Variants in PTAR1 observed in about 807,000 individuals in gnomAD.
PTAR1 encodes the protein protein prenyltransferase alpha subunit repeat-containing protein 1.
In PTAR1, 17 loss-of-function variants were observed where a neutral mutation model predicts 45.5. The ratio of observed to expected loss-of-function variants is 0.37; its 90% CI spans 0.26 to 0.56. The LOEUF (loss-of-function observed/expected upper bound fraction) is 0.56, where lower values mean the gene tolerates loss of function less well. Among genes scored for constraint, PTAR1 ranks in the 20% least tolerant of loss-of-function variants. PTAR1 has a pLI of 0.77. For synonymous variants in PTAR1, 169 were observed against 171.3 expected, an observed-to-expected ratio of 0.99 and a Z score of 0.11; for missense variants, 391 against 476.3, an observed-to-expected ratio of 0.82 and a Z score of 1.67.
intron 4 of PTAR1, 96 bp downstream of exon 4, chr9:69,734,054 G>A: frequency 1.4e-6 from 1 of 732,392 alleles, no homozygotes; most frequent in Non-Finnish European, 2.3e-6. Context: ...TTCATGCTCT[G>A]GAACCAATAA....
At position 69,740,656 on chromosome 9, in the gene PTAR1, A is replaced by AGGG. The variant is rs1564140430; in HGVS notation, c.323+1135_323+1136insCCC. 4.5e-3 allele frequency among the ~76,000 whole-genome samples: 403 copies of AGGG among 89,020 alleles called. 6 individuals are homozygous for AGGG. Among genetic ancestry groups the AGGG allele is most frequent in the Admixed American group, 0.016 (159 of 9,934 alleles). The allele number at this position is 89,020 out of a possible 152,430, so 58.4% of individuals were successfully genotyped here. ...TTAGATGCTAAGGAAACAAAGGGGAAAAAAAAAAAAAAAAAGACATGGTCC... is the reference window on the plus strand; with the variant it reads ...TTAGATGCTAAGGAAACAAAGGGGAAGGGAAAAAAAAAAAAAAAGACATGGTCC... On this transcript the variant is annotated intron_variant, in intron 3 of 7. Coordinates refer to ENST00000340434, the MANE Select transcript of PTAR1 (RefSeq NM_001099666.2).
intron 1 of PTAR1, chr9:69,758,717 G>A (rs149385767): frequency 2.5e-6 from 1 of 401,500 alleles, no homozygotes; most frequent in Non-Finnish European, 5.2e-6. Flanking sequence ...TGGAGGAAAA[G>A]AACACTTTGG....
chr9:69,740,985 C>T (rs112843475), intron 3 of PTAR1, among the ~76,000 whole-genome samples: 1,992 of 152,210 alleles, frequency 0.013, 21 homozygotes, highest in South Asian at 0.043. Flanking sequence ...TTTATCACTT[C>T]GGACACATCT....
rs1440812800 is a variant in PTAR1, at chr9:69,759,940, T to C, written c.-2A>G. On this transcript the variant is annotated 5_prime_UTR_variant, in exon 1 of 8. Transcript: ENST00000340434. ...CACCTCCTCGCTGGTCTCGGCCATG[T>C]TGGCGGCGGCCGCGACAGTTCGGGC... The C allele has an allele frequency of 2.7e-6, 4 of 1,501,158 alleles. No homozygotes were observed. The highest frequency in any genetic ancestry group is 2.9e-5 in the East Asian group (1 of 34,306). 93.0% of individuals were successfully genotyped at this position (1,501,158 alleles called of 1,614,324 possible). A position where few individuals can be genotyped will look rare whatever the true frequency, so the allele number is the denominator to read the frequency against.
chr9:69,713,263 T>C lies in PTAR1; in HGVS notation c.*5079A>G, dbSNP rs1019769378. ...CCTGGTGAGAGTAGAGAAGTCAAAGTTGGGAGCCTGAGGTTTCCTCTCCCA... is the reference window on the plus strand; with the variant it reads ...CCTGGTGAGAGTAGAGAAGTCAAAGCTGGGAGCCTGAGGTTTCCTCTCCCA... On this transcript the variant is annotated 3_prime_UTR_variant, in exon 8 of 8. Transcript: ENST00000340434. The C allele has an allele frequency of 6.6e-6, 1 of 152,160 alleles. No homozygotes were observed. Among genetic ancestry groups the C allele is most frequent in the Non-Finnish European group, 1.5e-5 (1 of 68,024 alleles). 9.4% of individuals were successfully genotyped at this position (152,160 alleles called of 1,614,324 possible). A position where few individuals can be genotyped will look rare whatever the true frequency, so the allele number is the denominator to read the frequency against.
At chr9:69,743,425 T>C (rs1236574846) in intron 2 of PTAR1, among the ~76,000 whole-genome samples, 1 of 152,208 alleles carries the variant, frequency 6.6e-6, no homozygotes, top group Non-Finnish European at 1.5e-5. Context: ...AAAAATATTC[T>C]AGCTAACAAT....
At chr9:69,759,510 G>A (rs1376114523) in intron 1 of PTAR1, among the ~76,000 whole-genome samples, 3 of 152,192 alleles carry the variant, frequency 2.0e-5, no homozygotes, top group Non-Finnish European at 4.4e-5. Flanking sequence ...ACATCGTTGT[G>A]TGCGCCCGAG....
chr9:69,738,687 C>T (rs1825902840), intron 3 of PTAR1, among the ~76,000 whole-genome samples: 1 of 152,110 alleles, frequency 6.6e-6, no homozygotes, highest in Non-Finnish European at 1.5e-5. Flanking sequence ...TGTATACTTC[C>T]TGCTCTGGTC....
intron 5 of PTAR1, among the ~76,000 whole-genome samples, chr9:69,727,918 T>C (rs1436788032): frequency 6.6e-6 from 1 of 152,194 alleles, no homozygotes; most frequent in Non-Finnish European, 1.5e-5. Context: ...TTATCTAATT[T>C]CTAATGTTTT....
In PTAR1 at chr9:69,723,404, T is replaced by C. The variant is rs1260191060; in HGVS notation, c.869A>G (p.His290Arg). Residue 290 changes from histidine (H) to arginine (R), a missense_variant, in exon 6 of 8, where the codon CAT becomes CGT. Coordinates refer to ENST00000340434, the MANE Select transcript of PTAR1 (RefSeq NM_001099666.2). ...GAATTCAACTTCTTCTTCTAGAAGATGGGGAAGATTAATCCTTGGTTCTTC... is the reference window on the plus strand; with the variant it reads ...GAATTCAACTTCTTCTTCTAGAAGACGGGGAAGATTAATCCTTGGTTCTTC... ...STEEPRINLP[H>R]LLEEEVEFST... The C allele has an allele frequency of 6.2e-7, 1 of 1,613,588 alleles. No individual in the cohort carries two copies. Among genetic ancestry groups the C allele is most frequent in the African/African-American group, 1.3e-5 (1 of 75,054 alleles).
chr9:69,748,511 G>C (rs1358267520), intron 2 of PTAR1, among the ~76,000 whole-genome samples: 1 of 151,970 alleles, frequency 6.6e-6, no homozygotes, highest in Non-Finnish European at 1.5e-5. Context: ...TGGTTAGGAA[G>C]AAAAAATCTA....
chr9:69,719,378 G>A (rs186699787), intron 6 of PTAR1, among the ~76,000 whole-genome samples: 49 of 152,204 alleles, frequency 3.2e-4, no homozygotes, highest in African/African-American at 1.0e-3. Context: ...AGATTCCCGC[G>A]TCTAATCTCC....
In PTAR1 at chr9:69,759,909, C is replaced by A. The variant is rs1420114775; in HGVS notation, c.30G>T (p.Val10=). 3.9e-6 allele frequency: 6 copies of A among 1,526,166 alleles called. No homozygotes were observed. The highest frequency in any genetic ancestry group is 2.0e-5 in the Admixed American group (1 of 48,948). 94.5% of individuals were successfully genotyped at this position (1,526,166 alleles called of 1,614,324 possible). The change falls in exon 1 of 8, where the codon GTG becomes GTT. Residue 10 remains valine (V), a synonymous_variant. Coordinates refer to ENST00000340434, the MANE Select transcript of PTAR1 (RefSeq NM_001099666.2). ...TGTCCTTCACAACCCGCTGCACCAG[C>A]ACCGCCACCTCCTCGCTGGTCTCGG... MAETSEEVA[V]LVQRVVKDIT...
intron 5 of PTAR1, among the ~76,000 whole-genome samples, chr9:69,729,938 A>G (rs566335875): frequency 4.0e-4 from 61 of 152,128 alleles, no homozygotes; most frequent in Non-Finnish European, 6.9e-4. Context: ...TCTTACTAAT[A>G]CTCGATGCCA....
At chr9:69,744,588 G>A (rs1440423199) in intron 2 of PTAR1, among the ~76,000 whole-genome samples, 3 of 152,034 alleles carry the variant, frequency 2.0e-5, no homozygotes, top group African/African-American at 7.2e-5. Context: ...GTTTCACCAT[G>A]TTGCCCAGGG....
Position 69,759,742 on chromosome 9 carries a change from C to A in PTAR1, c.86+111G>T, listed in dbSNP as rs1402696415. On this transcript the variant is annotated intron_variant, in intron 1 of 7. Transcript: ENST00000340434. Reference sequence around the variant, plus strand: ...CGGCTCTGCCTCCTCCCTAGAAGGGCTCGTGGGCCAGGACCCGCTGTCCGC... The same window carrying A: ...CGGCTCTGCCTCCTCCCTAGAAGGGATCGTGGGCCAGGACCCGCTGTCCGC... 6 of 1,089,722 alleles carry A rather than the reference C, an allele frequency of 5.5e-6. No individual in the cohort carries two copies. The African/African-American group carries it at 6.7e-5, about 12-fold the overall frequency. 67.5% of individuals were successfully genotyped at this position (1,089,722 alleles called of 1,614,324 possible).
intron 3 of PTAR1, among the ~76,000 whole-genome samples, chr9:69,739,066 A>G (rs1825923139): frequency 6.6e-6 from 1 of 152,140 alleles, no homozygotes; most frequent in Non-Finnish European, 1.5e-5. Context: ...TTGGCCTCCC[A>G]AAGTGCTGGG....
chr9:69,716,713 C>T lies in PTAR1; in HGVS notation c.*1629G>A, dbSNP rs1824739960. On this transcript the variant is annotated 3_prime_UTR_variant, in exon 8 of 8. Transcript: ENST00000340434. ...ATTGTTGTCACACTTATTTCTGCCA[C>T]TATTACTCACATTCTGCACAGATAG... 6.6e-6 allele frequency: 1 copy of T among 152,162 alleles called. No individual in the cohort carries two copies. Among genetic ancestry groups the T allele is most frequent in the African/African-American group, 2.4e-5 (1 of 41,432 alleles). The allele number at this position is 152,162 out of a possible 1,614,324, so 9.4% of individuals were successfully genotyped here. A position where few individuals can be genotyped will look rare whatever the true frequency, so the allele number is the denominator to read the frequency against.
chr9:69,744,489 G>A (rs1447066623), intron 2 of PTAR1, among the ~76,000 whole-genome samples: 1 of 151,584 alleles, frequency 6.6e-6, no homozygotes, highest in Admixed American at 6.6e-5. Context: ...AGGCTCAAGC[G>A]ATTCTCATGC....
Sources: gnomAD v4.1 joint callset for allele counts (sites outside exome capture counted in the v4.1 genomes callset) on GRCh38, gnomAD v4.1.1 for gene constraint, MANE v1.5 for transcripts, NCBI Gene and HGNC (gene_info 2026-07-23, HGNC 2026-07-21) for gene names.